ZSCAN25: variants seen among roughly 807,000 people sequenced by gnomAD.
ZSCAN25 encodes zinc finger and SCAN domain containing 25.
Under a neutral mutation model 38.7 loss-of-function variants are expected in ZSCAN25, and 27 were observed. The ratio of observed to expected loss-of-function variants is 0.70; its 90% CI spans 0.51 to 0.96. The LOEUF (loss-of-function observed/expected upper bound fraction) is 0.96. ZSCAN25 is among the 40% of genes least tolerant of loss of function. The pLI is 0.00. For missense variants in ZSCAN25, 637 were observed against 705.9 expected, an observed-to-expected ratio of 0.90 and a Z score of 1.11; for synonymous variants, 273 against 277.7, an observed-to-expected ratio of 0.98 and a Z score of 0.17.
the ZSCAN25 span, among the ~76,000 whole-genome samples, chr7:99,677,835 T>G: frequency 0.013 from 2,009 of 152,288 alleles, 23 homozygotes; most frequent in Non-Finnish European, 0.019. Flanking sequence ...TTTAAACACA[T>G]TACCTGACCT....
the ZSCAN25 span, among the ~76,000 whole-genome samples, chr7:99,707,463 T>C: frequency 6.6e-6 from 1 of 152,216 alleles, no homozygotes; most frequent in African/African-American, 2.4e-5. Flanking sequence ...AGGAAGAGCA[T>C]CATTCAAAAG....
intron 1 of ZSCAN25, among the ~76,000 whole-genome samples, 171 bp downstream of exon 1, chr7:99,617,187 G>A (rs1806540052): frequency 1.3e-5 from 2 of 152,156 alleles, no homozygotes; most frequent in Admixed American, 6.5e-5. Context: ...TGCCTTCAGC[G>A]GCCCCGAGGC....
chr7:99,622,930 C>T (rs1807114436), intron 6 of ZSCAN25, among the ~76,000 whole-genome samples: 2 of 152,216 alleles, frequency 1.3e-5, no homozygotes, highest in Admixed American at 6.5e-5. Context: ...CCTCAGCCTC[C>T]CAAGCAGCTG....
chr7:99,672,405 T>G, the ZSCAN25 span, among the ~76,000 whole-genome samples: 6 of 152,072 alleles, frequency 3.9e-5, no homozygotes, highest in Non-Finnish European at 7.4e-5. Context: ...ATACTAGATA[T>G]ATATTGCAAT....
chr7:99,718,244 C>T, the ZSCAN25 span, among the ~76,000 whole-genome samples: 1 of 151,984 alleles, frequency 6.6e-6, no homozygotes, highest in Non-Finnish European at 1.5e-5. Context: ...GCACGTTGTG[C>T]ACATGTACCC....
chr7:99,630,615 C>G lies in ZSCAN25; in HGVS notation c.*595C>G. 1 of 986,032 alleles carries G rather than the reference C, an allele frequency of 1.0e-6. No individual in the cohort carries two copies. The highest frequency in any genetic ancestry group is 1.2e-6 in the Non-Finnish European group (1 of 830,432). The allele number at this position is 986,032 out of a possible 1,614,324, so 61.1% of individuals were successfully genotyped here. A position where few individuals can be genotyped will look rare whatever the true frequency, so the allele number is the denominator to read the frequency against. ...TGCCCGTGAGAACATCTTCCCATGA[C>G]CACTCCTGCCCTCCTGCCCCGTGCT... On this transcript the variant is annotated 3_prime_UTR_variant, in exon 8 of 8. Coordinates refer to ENST00000394152, the MANE Select transcript of ZSCAN25 (RefSeq NM_145115.3).
At chr7:99,710,191 C>T in the ZSCAN25 span, among the ~76,000 whole-genome samples, 11 of 152,182 alleles carry the variant, frequency 7.2e-5, no homozygotes. Flanking sequence ...GGTTGATAGG[C>T]ACCTAGTACT....
chr7:99,713,407 T>G, the ZSCAN25 span: 1 of 1,608,848 alleles, frequency 6.2e-7, no homozygotes, highest in East Asian at 2.2e-5. Flanking sequence ...CTGCACATTT[T>G]CAGAACAAAA....
the ZSCAN25 span, among the ~76,000 whole-genome samples, chr7:99,688,420 AAAG>A: frequency 1.3e-5 from 2 of 152,344 alleles, no homozygotes; most frequent in Middle Eastern, 6.8e-3. Context: ...CAAAAGAGAC[AAAG>A]AAGGCCATTA....
chr7:99,707,563 A>G, the ZSCAN25 span, among the ~76,000 whole-genome samples: 18 of 152,228 alleles, frequency 1.2e-4, no homozygotes, highest in Non-Finnish European at 2.4e-4. Context: ...ATTTTGCTCA[A>G]GTTCAAGGAG....
chr7:99,714,052 GAGA>G, the ZSCAN25 span, among the ~76,000 whole-genome samples: 1 of 152,162 alleles, frequency 6.6e-6, no homozygotes, highest in African/African-American at 2.4e-5. Context: ...TCAATTCCCA[GAGA>G]AGACCTCTGT....
chr7:99,672,623 G>A, the ZSCAN25 span: 1 of 1,614,084 alleles, frequency 6.2e-7, no homozygotes, highest in Non-Finnish European at 8.5e-7. Flanking sequence ...CACTAGCACT[G>A]TTCTGATCAC....
chr7:99,720,436 T>C, the ZSCAN25 span: 2 of 1,612,694 alleles, frequency 1.2e-6, no homozygotes, highest in African/African-American at 1.3e-5. Flanking sequence ...ACAGAGTTGA[T>C]TAAACATCAA....
the ZSCAN25 span, among the ~76,000 whole-genome samples, chr7:99,725,522 C>T: frequency 6.6e-6 from 1 of 152,214 alleles, no homozygotes; most frequent in African/African-American, 2.4e-5. Flanking sequence ...TTCAAAACCT[C>T]CTCATGGACC....
the ZSCAN25 span, among the ~76,000 whole-genome samples, chr7:99,639,072 C>T: frequency 1.2e-4 from 19 of 152,222 alleles, no homozygotes; most frequent in Non-Finnish European, 2.8e-4. Flanking sequence ...CAATCCTGGC[C>T]TCAACCTACC....
At chr7:99,689,692 A>G in the ZSCAN25 span, among the ~76,000 whole-genome samples, 2 of 152,234 alleles carry the variant, frequency 1.3e-5, no homozygotes, top group South Asian at 4.1e-4. Context: ...GTGAACTCCC[A>G]TTCACAATTG....
At chr7:99,680,557 C>G in the ZSCAN25 span, among the ~76,000 whole-genome samples, 2 of 152,108 alleles carry the variant, frequency 1.3e-5, no homozygotes, top group South Asian at 2.1e-4. Context: ...AGGGCACAGT[C>G]TGGTATTATT....
At chr7:99,708,939 C>G in the ZSCAN25 span, 1 of 1,369,160 alleles carries the variant, frequency 7.3e-7, no homozygotes, top group East Asian at 2.3e-5. Context: ...AAAAGACAAG[C>G]AAACGATTGT....
chr7:99,675,963 G>A, the ZSCAN25 span: 1 of 641,932 alleles, frequency 1.6e-6, no homozygotes, highest in East Asian at 3.0e-5. Context: ...CACAGAGGCT[G>A]AGATTACAGG....
Sources: gnomAD v4.1 joint callset for allele counts (sites outside exome capture counted in the v4.1 genomes callset) on GRCh38, gnomAD v4.1.1 for gene constraint, MANE v1.5 for transcripts, NCBI Gene and HGNC (gene_info 2026-07-23, HGNC 2026-07-21) for gene names.